OTUD7B: variants seen among roughly 807,000 people sequenced by gnomAD.
OTUD7B encodes the protein OTU domain-containing protein 7B.
In OTUD7B, 34 loss-of-function variants were observed where a neutral mutation model predicts 82.2. The ratio of observed to expected loss-of-function variants is 0.41; its 90% CI spans 0.31 to 0.55. The LOEUF (loss-of-function observed/expected upper bound fraction) is 0.55, where lower values mean the gene tolerates loss of function less well. OTUD7B is among the 20% of genes least tolerant of loss of function. The pLI is 0.20. For synonymous variants in OTUD7B, 398 were observed against 402.7 expected (o/e 0.99, Z 0.14); for missense variants, 944 against 1,062.1 (o/e 0.89, Z 1.55).
intron 8 of OTUD7B, 152 bp downstream of exon 8, chr1:149,949,942 A>C: frequency 7.9e-7 from 1 of 1,265,446 alleles, no homozygotes; most frequent in Non-Finnish European, 1.1e-6. Context: ...TTTACTCAGA[A>C]TCTCTTGAGA....
chr1:149,944,235 AC>A lies in OTUD7B; in HGVS notation c.2153del (p.Gly718ValfsTer110). 6.2e-7 allele frequency: 1 copy of A among 1,611,946 alleles called. No homozygotes were observed. On this transcript the variant is annotated frameshift_variant, in exon 12 of 12. Coordinates refer to ENST00000581312, the MANE Select transcript of OTUD7B (RefSeq NM_020205.4). LOFTEE classifies it high-confidence loss of function. The stretch of plus-strand genomic sequence containing the variant: ...ATGGTGGTAGGCCCCCGACACATGG[AC>A]CCCCTGCCAACTGCCTCCGGGGTTC... ...CQEPRRQLAGGPCVGGLPPYA... is the reference protein window; with the variant it reads ...CQEPRRQLAGXPCVGGLPPYA...
chr1:149,986,505 T>C (rs1553780848), intron 1 of OTUD7B, among the ~76,000 whole-genome samples: 1 of 152,222 alleles, frequency 6.6e-6, no homozygotes, highest in African/African-American at 2.4e-5. Flanking sequence ...TAACCCTCTA[T>C]TAAAATGCCA....
rs782759210 is a variant in OTUD7B, at chr1:149,945,114, G to T, written c.1324-49C>A. ...GACAGTTATCCCAGCAGCCTGGGGT[G>T]GGGGAATCCCCCAGGGACCTCTAGC... On this transcript the variant is annotated intron_variant, in intron 11 of 11. Transcript: ENST00000581312. The T allele has an allele frequency of 3.8e-6, 6 of 1,573,042 alleles. No individual in the cohort carries two copies. In the African/African-American group the frequency reaches 4.1e-5, roughly 11 times the overall value.
chr1:150,037,715 G>T, the OTUD7B span, among the ~76,000 whole-genome samples: 1 of 151,060 alleles, frequency 6.6e-6, no homozygotes, highest in African/African-American at 2.4e-5. Context: ...TCAGCCTCCC[G>T]CGTAGTTGGG....
chr1:150,050,911 G>A, the OTUD7B span, among the ~76,000 whole-genome samples: 2 of 52,616 alleles, frequency 3.8e-5, no homozygotes, highest in Non-Finnish European at 6.7e-5. Flanking sequence ...CTGGCAGATA[G>A]TCCTTAAAAA....
intron 3 of OTUD7B, among the ~76,000 whole-genome samples, chr1:149,968,292 A>T (rs1265194809): frequency 6.6e-6 from 1 of 151,840 alleles, no homozygotes; most frequent in Non-Finnish European, 1.5e-5. Flanking sequence ...AATCAACAAC[A>T]AATCTTACAC....
At chr1:149,977,660 T>C (rs1650419113) in intron 1 of OTUD7B, 84 bp from the exon 2 acceptor site, 3 of 607,742 alleles carry the variant, frequency 4.9e-6, no homozygotes, top group South Asian at 4.1e-5. Flanking sequence ...CCTAACCAAA[T>C]GGGGAAACTA....
the OTUD7B span, among the ~76,000 whole-genome samples, chr1:150,028,789 G>A: frequency 1.3e-5 from 2 of 152,294 alleles, no homozygotes; most frequent in East Asian, 1.9e-4. Flanking sequence ...TCCTGCCTCA[G>A]CCTCCCAAGA....
chr1:149,954,327 C>A (rs587628185), intron 7 of OTUD7B, among the ~76,000 whole-genome samples: 77 of 152,220 alleles, frequency 5.1e-4, no homozygotes, highest in African/African-American at 1.8e-3. Flanking sequence ...ATCTTTGGTT[C>A]TGTTTATATG....
rs960490594 is a variant in OTUD7B, at chr1:149,978,288, C to T, written c.-66-712G>A. ...TTGGGAGGCCGAGGCAGGTGTATCA[C>T]CTGAGGTCAGGAGTTTGAGACCAGC... On this transcript the variant is annotated intron_variant, in intron 1 of 11. Transcript: ENST00000581312. 2.0e-5 allele frequency among the ~76,000 whole-genome samples: 3 copies of T among 152,184 alleles called. 1 individual carries two copies. The highest frequency in any genetic ancestry group is 1.3e-4 in the Admixed American group (2 of 15,280).
chr1:150,004,704 C>T (rs1652544731), intron 1 of OTUD7B, among the ~76,000 whole-genome samples: 1 of 152,026 alleles, frequency 6.6e-6, no homozygotes, highest in Non-Finnish European at 1.5e-5. Flanking sequence ...CACTACTGCT[C>T]ACTGCCACTC....
At chr1:149,987,989 C>T (rs763354064) in intron 1 of OTUD7B, among the ~76,000 whole-genome samples, 2 of 152,266 alleles carry the variant, frequency 1.3e-5, no homozygotes, top group South Asian at 2.1e-4. Flanking sequence ...CTACCTCCCC[C>T]ACCTGTACCT....
At chr1:150,013,938 AT>A (rs201887082), upstream of OTUD7B, among the ~76,000 whole-genome samples, 1 of 238 alleles carries the variant, frequency 4.2e-3, no homozygotes, top group Admixed American at 0.5. Flanking sequence ...AAAAAAAATA[AT>A]ATATATATAC....
chr1:150,014,479 C>G (rs782778081), upstream of OTUD7B, among the ~76,000 whole-genome samples: 6 of 150,836 alleles, frequency 4.0e-5, no homozygotes, highest in Non-Finnish European at 8.8e-5. Flanking sequence ...ATTCCACTCC[C>G]TAGGAATTTA....
At position 149,948,947 on chromosome 1, in the gene OTUD7B, GAA is replaced by G. The variant is rs1484489827; in HGVS notation, c.1238+20_1238+21del. ...GAAGAAATCCCAGCACAAAATAGATGAAAAGACTAGGCCTGGCTTACCTGGCC... is the reference window on the plus strand; with the variant it reads ...GAAGAAATCCCAGCACAAAATAGATGAAGACTAGGCCTGGCTTACCTGGCC... On this transcript the variant is annotated intron_variant, in intron 10 of 11. Coordinates refer to ENST00000581312, the MANE Select transcript of OTUD7B (RefSeq NM_020205.4). The G allele has an allele frequency of 6.8e-7, 1 of 1,470,800 alleles. No individual in the cohort carries two copies. The highest frequency in any genetic ancestry group is 1.4e-5 in the African/African-American group (1 of 71,960). 91.1% of individuals were successfully genotyped at this position (1,470,800 alleles called of 1,614,324 possible). A position where few individuals can be genotyped will look rare whatever the true frequency, so the allele number is the denominator to read the frequency against.
intron 6 of OTUD7B, chr1:149,962,309 G>A (rs1451517359): frequency 6.6e-6 from 1 of 152,154 alleles, no homozygotes; most frequent in Non-Finnish European, 1.5e-5. Context: ...AGGAAGCCCA[G>A]GAAATCAAAA....
At chr1:149,952,498 C>T (rs1251046424) in intron 7 of OTUD7B, among the ~76,000 whole-genome samples, 4 of 152,036 alleles carry the variant, frequency 2.6e-5, no homozygotes, top group Non-Finnish European at 4.4e-5. Context: ...TGAATAGTGC[C>T]ACAATACACA....
At chr1:150,020,572 A>T in the OTUD7B span, among the ~76,000 whole-genome samples, 1 of 152,080 alleles carries the variant, frequency 6.6e-6, no homozygotes, top group Non-Finnish European at 1.5e-5. Context: ...ATATCTAGGT[A>T]TATGCTGTAT....
At chr1:150,059,757 A>G in the OTUD7B span, among the ~76,000 whole-genome samples, 630 of 152,320 alleles carry the variant, frequency 4.1e-3, 2 homozygotes, top group Non-Finnish European at 6.7e-3. Context: ...CTCTGGGCAC[A>G]CTGCCTATGG....
Sources: gnomAD v4.1 joint callset for allele counts (sites outside exome capture counted in the v4.1 genomes callset) on GRCh38, gnomAD v4.1.1 for gene constraint, MANE v1.5 for transcripts, NCBI Gene and HGNC (gene_info 2026-07-23, HGNC 2026-07-21) for gene names.